The following INPP4B variants were observed in gnomAD, a reference collection of about 807,000 sequenced individuals.
The protein encoded by INPP4B is inositol polyphosphate 4-phosphatase type II.
INPP4B carries 55 observed loss-of-function variants against 122.5 expected under a neutral mutation model. The ratio of observed to expected loss-of-function variants is 0.45; its 90% CI spans 0.36 to 0.56. The LOEUF (loss-of-function observed/expected upper bound fraction) is 0.56. Ranked by LOEUF, INPP4B falls within the 20% of genes least tolerant of loss-of-function variation. The pLI, the probability that INPP4B is intolerant of heterozygous loss-of-function variation, is 0.00. For missense variants in INPP4B, 1,000 were observed against 1,097.7 expected, an observed-to-expected ratio of 0.91 and a Z score of 1.26; for synonymous variants, 403 against 388.7, an observed-to-expected ratio of 1.04 and a Z score of -0.43.
intron 2 of INPP4B, among the ~76,000 whole-genome samples, chr4:142,711,924 T>A (rs1763169798): frequency 6.6e-6 from 1 of 152,116 alleles, no homozygotes. Flanking sequence ...GGTACATGAC[T>A]GTAGTTCCAG....
intron 1 of INPP4B, among the ~76,000 whole-genome samples, chr4:142,830,161 C>T (rs1171217434): frequency 6.6e-6 from 1 of 152,026 alleles, no homozygotes; most frequent in Non-Finnish European, 1.5e-5. Context: ...ATACATGTAT[C>T]TACACATATA....
Position 142,265,760 on chromosome 4 carries a change from G to A in INPP4B, c.615+4903C>T, listed in dbSNP as rs1291975783. 2.6e-5 allele frequency among the ~76,000 whole-genome samples: 4 copies of A among 152,134 alleles called. No homozygotes were observed. In the South Asian group the frequency reaches 6.2e-4, roughly 24 times the overall value. Reference sequence around the variant, plus strand: ...TTTAGTCAGCTTATGACTCACACACGGTGTGTATTGCCACTGCCACCTCCT... The same window carrying A: ...TTTAGTCAGCTTATGACTCACACACAGTGTGTATTGCCACTGCCACCTCCT... On this transcript the variant is annotated intron_variant, in intron 10 of 25. Coordinates refer to ENST00000262992, the MANE Select transcript of INPP4B (RefSeq NM_001101669.3).
chr4:142,028,887 C>T lies in INPP4B; in HGVS notation c.2670G>A (p.Leu890=). ...CATACTTTCTGCATTTGATATTCTTCAGTACATTCTCTATGCGGCATCCTT... is the reference window on the plus strand; with the variant it reads ...CATACTTTCTGCATTTGATATTCTTTAGTACATTCTCTATGCGGCATCCTT... The part of the protein sequence containing the change: ...RREGCRIENV[L]KNIKCRKYAF... Residue 890 remains leucine (L), a synonymous_variant, in exon 26 of 26, where the codon CTG becomes CTA. Transcript: ENST00000262992. 1 of 1,613,324 alleles carries T rather than the reference C, an allele frequency of 6.2e-7. No homozygotes were observed. The highest frequency in any genetic ancestry group is 2.2e-5 in the East Asian group (1 of 44,786).
At chr4:142,462,517 G>C (rs903097709) in intron 3 of INPP4B, 146 bp downstream of exon 3, 1 of 152,120 alleles carries the variant, frequency 6.6e-6, no homozygotes, top group African/African-American at 2.4e-5. Context: ...ATAAAATTTG[G>C]CCAGTCATCT....
At chr4:142,106,885 A>G (rs1205677687) in intron 23 of INPP4B, among the ~76,000 whole-genome samples, 2 of 152,168 alleles carry the variant, frequency 1.3e-5, no homozygotes, top group East Asian at 3.9e-4. Context: ...TTATCAAGCT[A>G]CTGACAAAAA....
chr4:142,567,539 C>G (rs1161958418), intron 2 of INPP4B, among the ~76,000 whole-genome samples: 1 of 152,098 alleles, frequency 6.6e-6, no homozygotes, highest in Non-Finnish European at 1.5e-5. Flanking sequence ...GTAGAATGAA[C>G]AAGAGAAGTA....
chr4:142,263,168 T>C (rs1389933765), intron 10 of INPP4B, among the ~76,000 whole-genome samples: 1 of 152,226 alleles, frequency 6.6e-6, no homozygotes, highest in Non-Finnish European at 1.5e-5. Context: ...GACAGGAAGC[T>C]GATCATCTCT....
At chr4:142,835,970 G>A (rs749965060) in intron 1 of INPP4B, among the ~76,000 whole-genome samples, 2 of 152,074 alleles carry the variant, frequency 1.3e-5, no homozygotes, top group Non-Finnish European at 2.9e-5. Context: ...GGTATGGTGC[G>A]TAATTCTTTA....
intron 2 of INPP4B, among the ~76,000 whole-genome samples, chr4:142,580,274 G>T (rs1440038377): frequency 6.6e-6 from 1 of 151,824 alleles, no homozygotes; most frequent in Admixed American, 6.6e-5. Context: ...AACTTCAAAA[G>T]CAGCAAAGGG....
chr4:142,151,951 A>C (rs950677680), intron 17 of INPP4B, among the ~76,000 whole-genome samples: 5 of 151,748 alleles, frequency 3.3e-5, no homozygotes, highest in African/African-American at 1.2e-4. Flanking sequence ...TGACTTTTAT[A>C]CCTAGAATAC....
intron 25 of INPP4B, among the ~76,000 whole-genome samples, chr4:142,068,609 T>C (rs1367658495): frequency 2.0e-5 from 3 of 151,942 alleles, no homozygotes; most frequent in Admixed American, 6.6e-5. Flanking sequence ...GAGACACACA[T>C]AGGCTCAAAA....
chr4:142,089,104 T>G (rs1241616567), intron 23 of INPP4B, among the ~76,000 whole-genome samples: 1 of 152,188 alleles, frequency 6.6e-6, no homozygotes, highest in Non-Finnish European at 1.5e-5. Flanking sequence ...CAGAATGTCC[T>G]TGGAGTGGTT....
intron 9 of INPP4B, among the ~76,000 whole-genome samples, chr4:142,280,751 G>T (rs3102438): frequency 6.6e-6 from 1 of 151,788 alleles, no homozygotes; most frequent in African/African-American, 2.4e-5. Context: ...CAAAAAAATC[G>T]CACAGCCATT....
chr4:142,718,432 C>CCA, intron 2 of INPP4B, among the ~76,000 whole-genome samples: 1 of 152,066 alleles, frequency 6.6e-6, no homozygotes, highest in East Asian at 1.9e-4. Flanking sequence ...AGACAGATGC[C>CCA]CCAATCGGAT....
intron 2 of INPP4B, among the ~76,000 whole-genome samples, chr4:142,531,805 C>G (rs1226629620): frequency 6.6e-6 from 1 of 151,920 alleles, no homozygotes; most frequent in Non-Finnish European, 1.5e-5. Flanking sequence ...AACAAAGGAG[C>G]CAGAATTTGT....
intron 2 of INPP4B, among the ~76,000 whole-genome samples, chr4:142,641,241 T>C (rs1420549345): frequency 2.6e-5 from 4 of 152,080 alleles, no homozygotes; most frequent in South Asian, 2.1e-4. Context: ...GAAAATGCTA[T>C]ACAGCACCAA....
chr4:142,146,065 C>G (rs1810541227), intron 17 of INPP4B, 69 bp from the exon 18 acceptor site: 14 of 1,535,114 alleles, frequency 9.1e-6, no homozygotes, highest in Non-Finnish European at 1.2e-5. Context: ...TCGGATAAAT[C>G]TATTTTAGAG....
chr4:142,186,148 C>G (rs1833111852), intron 15 of INPP4B, among the ~76,000 whole-genome samples: 1 of 152,114 alleles, frequency 6.6e-6, no homozygotes, highest in African/African-American at 2.4e-5. Flanking sequence ...AATTGAGAAA[C>G]TGCCTAAACA....
At chr4:142,537,471 GATACACATACACAT>G (rs1349688039) in intron 2 of INPP4B, among the ~76,000 whole-genome samples, 10 of 85,902 alleles carry the variant, frequency 1.2e-4, no homozygotes, top group African/African-American at 4.1e-4. Context: ...GAGAGAGAGA[GATACACATACACAT>G]ACATACACAA....
Sources: allele counts gnomAD v4.1 joint callset (sites outside exome capture counted in the v4.1 genomes callset), GRCh38; gene constraint gnomAD v4.1.1; transcripts MANE v1.5; gene names NCBI Gene and HGNC (gene_info 2026-07-23, HGNC 2026-07-21).